The following NEXMIF variants were observed in gnomAD, a reference collection of about 807,000 sequenced individuals.
NEXMIF encodes XLMR protein related to neurite extension.
NEXMIF carries 8 observed loss-of-function variants against 62.1 expected under a neutral mutation model. That is an observed-to-expected ratio of 0.13 (90% CI 0.08 to 0.23). The LOEUF (loss-of-function observed/expected upper bound fraction) is 0.23. NEXMIF is among the 10% of genes least tolerant of loss of function. NEXMIF has a pLI of 1.00. For synonymous variants in NEXMIF, 404 were observed against 416.6 expected (o/e 0.97, Z 0.37); for missense variants, 976 against 1,113.3 (o/e 0.88, Z 1.75).
chrX:74,782,033 G>A (rs768508072), intron 1 of NEXMIF, among the ~76,000 whole-genome samples: 1 of 112,063 alleles, frequency 8.9e-6, no homozygotes, highest in African/African-American at 3.2e-5. Context: ...CATCTGAAGG[G>A]CTGGATGGTA....
intron 1 of NEXMIF, among the ~76,000 whole-genome samples, chrX:74,877,554 G>T (rs2080641657): frequency 9.0e-6 from 1 of 111,509 alleles, no homozygotes; most frequent in Admixed American, 9.5e-5. Flanking sequence ...CTAGATTGGG[G>T]AAGTTCTCCT....
At position 74,734,674 on chromosome X, in the gene NEXMIF, C is replaced by T. The variant is rs776209829; in HGVS notation, c.*4731G>A. Reference sequence around the variant, plus strand: ...ACTGATTTTGAAAGCCTCATTCACACCATAAACTTTGTTCTAAACCTCTGT... The same window carrying T: ...ACTGATTTTGAAAGCCTCATTCACATCATAAACTTTGTTCTAAACCTCTGT... On this transcript the variant is annotated 3_prime_UTR_variant, in exon 4 of 4. Transcript: ENST00000055682. 2.1e-4 allele frequency: 24 copies of T among 111,921 alleles called. No individual in the cohort carries two copies. Among genetic ancestry groups the T allele is most frequent in the Admixed American group, 7.7e-4 (8 of 10,431 alleles). The allele number at this position is 111,921 out of a possible 1,213,427, so 9.2% of individuals were successfully genotyped here.
intron 1 of NEXMIF, among the ~76,000 whole-genome samples, chrX:74,816,268 T>C (rs2080375738): frequency 8.9e-6 from 1 of 111,919 alleles, no homozygotes; most frequent in Non-Finnish European, 1.9e-5. Flanking sequence ...GGACAGATCC[T>C]CACAAATTTA....
In NEXMIF at chrX:74,742,738, A is replaced by G. The variant is rs2147440669; in HGVS notation, c.1819T>C (p.Ser607Pro). The change falls in exon 3 of 4, where the codon TCC becomes CCC. Residue 607 changes from serine to proline, a missense_variant. Ser to Pro is a moderately conservative substitution (Grantham distance 74). Transcript: ENST00000055682. Reference protein sequence around the residue: ...TNTDSIKTPFSQKQSFEPGSF... With the variant: ...TNTDSIKTPFPQKQSFEPGSF... ...CCTGGTTCAAAGCTTTGCTTTTGGG[A>G]AAAAGGTGTCTTGATGGAGTCCGTG... is the stretch of plus-strand genomic sequence containing the variant. 1 of 1,209,575 alleles carries G rather than the reference A, an allele frequency of 8.3e-7. No homozygotes were observed. Among genetic ancestry groups the G allele is most frequent in the Middle Eastern group, 2.3e-4 (1 of 4,349 alleles).
At position 74,755,271 on chromosome X, in the gene NEXMIF, C is replaced by T. The variant is rs192523037; in HGVS notation, c.-47-9574G>A. 1.1e-3 allele frequency among the ~76,000 whole-genome samples: 119 copies of T among 111,696 alleles called. 1 individual carries two copies. The highest frequency in any genetic ancestry group is 2.7e-3 in the South Asian group (7 of 2,628). Reference sequence around the variant, plus strand: ...TAAGTTTTTTCACATTTATTAAATACCTGTTTTATATGTTAGACTATGCCA... The same window carrying T: ...TAAGTTTTTTCACATTTATTAAATATCTGTTTTATATGTTAGACTATGCCA... On this transcript the variant is annotated intron_variant, in intron 1 of 3. Coordinates refer to ENST00000055682, the MANE Select transcript of NEXMIF (RefSeq NM_001008537.3).
intron 1 of NEXMIF, among the ~76,000 whole-genome samples, chrX:74,796,221 AC>A (rs1197903480): frequency 3.0e-5 from 2 of 66,679 alleles, no homozygotes; most frequent in African/African-American, 6.4e-5. Context: ...ATATATATAT[AC>A]ATATATAATA....
At chrX:74,776,546 T>C (rs2080228969) in intron 1 of NEXMIF, among the ~76,000 whole-genome samples, 2 of 109,629 alleles carry the variant, frequency 1.8e-5, no homozygotes, top group Non-Finnish European at 3.8e-5. Context: ...GCCAACATGG[T>C]GAAACCCCGT....
At chrX:74,890,241 T>A (rs1002382317) in intron 1 of NEXMIF, among the ~76,000 whole-genome samples, 1 of 105,755 alleles carries the variant, frequency 9.5e-6, no homozygotes, top group African/African-American at 3.4e-5. Flanking sequence ...GTAACAAAGA[T>A]GTTCCTAATA....
Position 74,749,766 on chromosome X carries a change from TC to T in NEXMIF, c.-47-4070del, listed in dbSNP as rs1339090269. Among the ~76,000 whole-genome samples, 3 of 111,556 alleles carry T rather than the reference TC, an allele frequency of 2.7e-5. No homozygotes were observed. In the East Asian group the frequency reaches 8.5e-4, roughly 31 times the overall value. On this transcript the variant is annotated intron_variant, in intron 1 of 3. Transcript: ENST00000055682. The stretch of plus-strand genomic sequence containing the variant: ...ATTTTTATCTCCTCTGTGTTTATCA[TC>T]TTATACAAGCTTTACTACTTTATAT...
chrX:74,846,246 C>T (rs1216316683), intron 1 of NEXMIF, among the ~76,000 whole-genome samples: 2 of 112,031 alleles, frequency 1.8e-5, no homozygotes, highest in African/African-American at 6.5e-5. Flanking sequence ...GAAGATAGAA[C>T]AAATAATAAA....
chrX:74,873,789 T>C (rs2080615105), intron 1 of NEXMIF, among the ~76,000 whole-genome samples: 1 of 112,375 alleles, frequency 8.9e-6, no homozygotes, highest in South Asian at 3.7e-4. Flanking sequence ...ATAAATGTCT[T>C]TTTTTCAGAA....
intron 1 of NEXMIF, among the ~76,000 whole-genome samples, chrX:74,817,116 G>A (rs1386863223): frequency 9.0e-6 from 1 of 111,391 alleles, no homozygotes; most frequent in Non-Finnish European, 1.9e-5. Context: ...TTTTTTTTAA[G>A]TAAGGCTTCT....
Position 74,879,053 on chromosome X carries a change from C to G in NEXMIF, c.-48+45830G>C, listed in dbSNP as rs151337109. On this transcript the variant is annotated intron_variant, in intron 1 of 3. Transcript: ENST00000055682. ...ATCTTTTTATATATGTTTGCACACA[C>G]AAATACCACTGTGTTACAATTTTCT... 6.5e-3 allele frequency among the ~76,000 whole-genome samples: 729 copies of G among 112,116 alleles called. 10 individuals are homozygous for G. The highest frequency in any genetic ancestry group is 0.022 in the African/African-American group (691 of 30,931).
rs1375157546 is a variant in NEXMIF, at chrX:74,735,782, C to G, written c.*3623G>C. On this transcript the variant is annotated 3_prime_UTR_variant, in exon 4 of 4. Coordinates refer to ENST00000055682, the MANE Select transcript of NEXMIF (RefSeq NM_001008537.3). ...AGTAACAAGAAGTCAGAAGGGAAAGCTGGGAGGAAGCAGCATATGTGAAGA... is the reference window on the plus strand; with the variant it reads ...AGTAACAAGAAGTCAGAAGGGAAAGGTGGGAGGAAGCAGCATATGTGAAGA... The G allele has an allele frequency of 8.9e-6, 1 of 111,883 alleles. No individual in the cohort carries two copies. The highest frequency in any genetic ancestry group is 1.9e-5 in the Non-Finnish European group (1 of 53,120). The allele number at this position is 111,883 out of a possible 1,213,427, so 9.2% of individuals were successfully genotyped here. A position where few individuals can be genotyped will look rare whatever the true frequency, so the allele number is the denominator to read the frequency against.
chrX:74,820,364 G>A (rs775203883), intron 1 of NEXMIF, among the ~76,000 whole-genome samples: 1 of 110,320 alleles, frequency 9.1e-6, no homozygotes, highest in South Asian at 4.0e-4. Context: ...AACCTATGCT[G>A]GCAAGGTTGT....
intron 1 of NEXMIF, among the ~76,000 whole-genome samples, chrX:74,830,565 G>T (rs2080432828): frequency 9.0e-6 from 1 of 110,512 alleles, no homozygotes; most frequent in Admixed American, 9.6e-5. Flanking sequence ...TAAACTTTAG[G>T]TTTTAAAAAA....
chrX:74,793,477 T>G (rs996388321), intron 1 of NEXMIF, among the ~76,000 whole-genome samples: 4 of 110,389 alleles, frequency 3.6e-5, no homozygotes, highest in Non-Finnish European at 7.6e-5. Flanking sequence ...TCTCGAGGAG[T>G]ATCTCTGGGG....
chrX:74,793,709 G>A (rs775904782), intron 1 of NEXMIF, among the ~76,000 whole-genome samples: 274 of 97,751 alleles, frequency 2.8e-3, no homozygotes, highest in African/African-American at 9.3e-3. Flanking sequence ...TTCCCTTCTC[G>A]CTTCATTTCA....
At chrX:74,814,033 A>G (rs1258975608) in intron 1 of NEXMIF, among the ~76,000 whole-genome samples, 1 of 112,028 alleles carries the variant, frequency 8.9e-6, no homozygotes, top group African/African-American at 3.2e-5. Context: ...ATTTGCAGAA[A>G]GATTCATTGT....
Sources: gnomAD v4.1 joint callset for allele counts (sites outside exome capture counted in the v4.1 genomes callset) on GRCh38, gnomAD v4.1.1 for gene constraint, MANE v1.5 for transcripts, NCBI Gene and HGNC (gene_info 2026-07-23, HGNC 2026-07-21) for gene names.